Variants in GGT1 observed in about 807,000 individuals in gnomAD.
GGT1 encodes glutathione hydrolase 1 proenzyme.
GGT1 carries 21 observed loss-of-function variants against 56.0 expected under a neutral mutation model. The ratio of observed to expected loss-of-function variants is 0.38; its 90% CI spans 0.27 to 0.54. The LOEUF (loss-of-function observed/expected upper bound fraction) is 0.54. GGT1 is among the 20% of genes least tolerant of loss of function. GGT1 has a pLI of 0.82. For missense variants in GGT1, 466 were observed against 787.0 expected (o/e 0.59, Z 4.88); for synonymous variants, 238 against 342.6 (o/e 0.69, Z 3.37).
At position 24,614,786 on chromosome 22, in the gene GGT1, C is replaced by T. The variant is rs367703847; in HGVS notation, c.175C>T (p.Arg59Trp). ...TGTGCCACATGGCAGGGATGCACTG[C>T]GGGACGGTGGCTCTGCGGTGGATGC... ...QCSKIGRDAL[R>W]DGGSAVDAAI... Residue 59 changes from arginine to tryptophan, a missense_variant, in exon 6 of 16, where the codon CGG becomes TGG. Around this residue, in one of 2 missense-constraint regions of GGT1, gnomAD observed 456 missense variants for 716.7 expected, o/e 0.64. Coordinates refer to ENST00000400382, the MANE Select transcript of GGT1 (RefSeq NM_001288833.2). 5.8e-5 allele frequency: 93 copies of T among 1,613,436 alleles called. No individual in the cohort carries two copies. The highest frequency in any genetic ancestry group is 3.7e-4 in the Admixed American group (22 of 59,984).
Position 24,623,850 on chromosome 22 carries a change from G to C in GGT1, c.954G>C (p.Glu318Asp). 6.2e-7 allele frequency: 1 copy of C among 1,611,922 alleles called. No homozygotes were observed. Among genetic ancestry groups the C allele is most frequent in the Non-Finnish European group, 8.5e-7 (1 of 1,179,826 alleles). The change falls in exon 11 of 16, where the codon GAG becomes GAC. Residue 318 changes from glutamate (E) to aspartate (D), a missense_variant. Physicochemically the swap from Glu to Asp is conservative, Grantham distance 45. Around this residue, in one of 2 missense-constraint regions of GGT1, gnomAD observed 456 missense variants for 716.7 expected, o/e 0.64. Coordinates refer to ENST00000400382, the MANE Select transcript of GGT1 (RefSeq NM_001288833.2). ...QKGLTYHRIV[E>D]AFRFAYAKRT... The stretch of plus-strand genomic sequence containing the variant: ...GCCTGACGTACCACCGCATCGTAGA[G>C]GCTTTCCGGTTTGCCTACGCCAAGA...
At chr22:24,617,332 A>T (rs1157385695) in intron 7 of GGT1, among the ~76,000 whole-genome samples, 2 of 152,116 alleles carry the variant, frequency 1.3e-5, no homozygotes, top group Non-Finnish European at 2.9e-5. Flanking sequence ...GGGATCTCTT[A>T]GGTTATGGTG....
At chr22:24,592,567 A>T, upstream of GGT1, 1 of 460,558 alleles carries the variant, frequency 2.2e-6, no homozygotes, top group Non-Finnish European at 4.1e-6. Context: ...CACCCTCAAC[A>T]CACACAACCC....
intron 9 of GGT1, 97 bp downstream of exon 9, chr22:24,621,167 C>T (rs2047388272): frequency 6.7e-7 from 1 of 1,485,398 alleles, no homozygotes; most frequent in Non-Finnish European, 9.0e-7. Context: ...TTGCCTGAGC[C>T]TGCAGGAAGT....
At chr22:24,610,707 G>A (rs1267310967) in intron 4 of GGT1, among the ~76,000 whole-genome samples, 176 bp downstream of exon 4, 1 of 141,994 alleles carries the variant, frequency 7.0e-6, no homozygotes, top group Non-Finnish European at 1.6e-5. Context: ...ATCCCTACTG[G>A]AGCTTCTCCC....
chr22:24,619,556 G>T (rs1330039664), intron 7 of GGT1, among the ~76,000 whole-genome samples: 1 of 150,070 alleles, frequency 6.7e-6, no homozygotes, highest in African/African-American at 2.5e-5. Flanking sequence ...ACAACAGAAT[G>T]AGACCCTGTC....
the GGT1 span, among the ~76,000 whole-genome samples, chr22:24,586,624 C>T: frequency 1.2e-4 from 19 of 152,230 alleles, no homozygotes; most frequent in Non-Finnish European, 7.3e-5. Flanking sequence ...CTCTGCCTCC[C>T]GGATTCAAGC....
chr22:24,585,205 C>T, the GGT1 span, among the ~76,000 whole-genome samples: 1 of 152,196 alleles, frequency 6.6e-6, no homozygotes, highest in Admixed American at 6.5e-5. Context: ...GGCACCAAGT[C>T]CTCTCACTTA....
At chr22:24,589,366 C>T in the GGT1 span, 13 of 1,127,040 alleles carry the variant, frequency 1.2e-5, no homozygotes, top group Middle Eastern at 3.6e-4. Flanking sequence ...AGCACCCGTC[C>T]GCAAGGGTGT....
intron 7 of GGT1, among the ~76,000 whole-genome samples, chr22:24,617,577 T>G (rs1349169504): frequency 6.6e-6 from 1 of 151,692 alleles, no homozygotes; most frequent in African/African-American, 2.4e-5. Context: ...GTGTGACGCT[T>G]GTGTAGGGAG....
chr22:24,597,197 G>A (rs910309828), intron 1 of GGT1, among the ~76,000 whole-genome samples: 1 of 151,900 alleles, frequency 6.6e-6, no homozygotes, highest in Admixed American at 6.6e-5. Flanking sequence ...TGGTCAGGCT[G>A]GTCTTGAACT....
chr22:24,614,348 C>CAAAAAA lies in GGT1; in HGVS notation c.165-404_165-399dup, dbSNP rs534749815. Among the ~76,000 whole-genome samples the CAAAAAA allele has an allele frequency of 1.6e-3, 17 of 10,746 alleles. 2 individuals are homozygous for CAAAAAA. Among genetic ancestry groups the CAAAAAA allele is most frequent in the African/African-American group, 3.4e-3 (14 of 4,070 alleles). The allele number at this position is 10,746 out of a possible 152,430, so 7.0% of individuals were successfully genotyped here. ...TGAGCAACAAAGAGAGACTTTGTCT[C>CAAAAAA]AAAAAAAAAAAAAAAAAAAAAAAAA... On this transcript the variant is annotated intron_variant, in intron 5 of 15. Transcript: ENST00000400382.
intron 5 of GGT1, among the ~76,000 whole-genome samples, chr22:24,611,892 C>T (rs1358607987): frequency 6.6e-6 from 1 of 151,938 alleles, no homozygotes; most frequent in Non-Finnish European, 1.5e-5. Context: ...CTGCAACCTC[C>T]ACCTCCCAGG....
chr22:24,618,780 T>C (rs993387169), intron 7 of GGT1, among the ~76,000 whole-genome samples: 6 of 152,124 alleles, frequency 3.9e-5, no homozygotes, highest in African/African-American at 9.7e-5. Context: ...GAGCCACAGC[T>C]GCCAAGCCAA....
intron 1 of GGT1, 78 bp from the exon 2 acceptor site, chr22:24,607,876 C>G (rs1312769269): frequency 2.3e-6 from 1 of 427,666 alleles, no homozygotes; most frequent in Non-Finnish European, 4.8e-6. Context: ...CTGAGCCACT[C>G]TGGAGAGTGG....
At chr22:24,624,060 G>C (rs551232621) in intron 11 of GGT1, 144 bp downstream of exon 11, 1 of 1,506,288 alleles carries the variant, frequency 6.6e-7, no homozygotes, top group Non-Finnish European at 8.9e-7. Context: ...CTGTGTGCTC[G>C]GATGGACTCG....
chr22:24,603,843 T>C lies in GGT1; in HGVS notation c.-429+316T>C, dbSNP rs1033063731. Among the ~76,000 whole-genome samples, 6 of 151,946 alleles carry C rather than the reference T, an allele frequency of 3.9e-5. 1 individual carries two copies. The highest frequency in any genetic ancestry group is 7.4e-5 in the Non-Finnish European group (5 of 68,008). ...TGTCCTTGGGCCATGCTTGCCTCGC[T>C]CCTGGGTTCTGTTTGTGGCTGTGGA... On this transcript the variant is annotated intron_variant, in intron 1 of 15. Coordinates refer to ENST00000400382, the MANE Select transcript of GGT1 (RefSeq NM_001288833.2).
At position 24,605,710 on chromosome 22, in the gene GGT1, A is replaced by G. The variant is rs12163146; in HGVS notation, c.-429+2183A>G. 2.1e-3 allele frequency among the ~76,000 whole-genome samples: 128 copies of G among 61,094 alleles called. 2 individuals carry two copies. The highest frequency in any genetic ancestry group is 2.7e-3 in the Non-Finnish European group (111 of 41,838). The allele number at this position is 61,094 out of a possible 152,430, so 40.1% of individuals were successfully genotyped here. ...GTGTATTATATATTTAATATTATAT[A>G]ATGTGTATTATATATTATATAATAT... On this transcript the variant is annotated intron_variant, in intron 1 of 15. Transcript: ENST00000400382.
At chr22:24,585,299 C>T in the GGT1 span, among the ~76,000 whole-genome samples, 3 of 152,326 alleles carry the variant, frequency 2.0e-5, no homozygotes, top group South Asian at 4.1e-4. Flanking sequence ...AGCCTGGGCT[C>T]AGACGTGAGC....
Sources: gnomAD v4.1 joint callset for allele counts (sites outside exome capture counted in the v4.1 genomes callset) on GRCh38, gnomAD v4.1.1 for gene constraint, gnomAD v4.1.1 regional missense constraint, MANE v1.5 for transcripts, NCBI Gene and HGNC (gene_info 2026-07-23, HGNC 2026-07-21) for gene names.